TTLL5: variants seen among roughly 807,000 people sequenced by gnomAD.
The protein encoded by TTLL5 is tubulin polyglutamylase TTLL5.
A neutral mutation model predicts 168.4 loss-of-function variants in TTLL5; 132 were observed. That is an observed-to-expected ratio of 0.78 (90% CI 0.68 to 0.91). The LOEUF is 0.91. TTLL5 is among the 40% of genes least tolerant of loss of function. TTLL5 has a pLI of 0.00. For missense variants in TTLL5, 1,545 were observed against 1,581.5 expected, an observed-to-expected ratio of 0.98 and a Z score of 0.39; for synonymous variants, 546 against 558.6, an observed-to-expected ratio of 0.98 and a Z score of 0.32.
chr14:75,747,324 C>T (rs1430832827), intron 17 of TTLL5, among the ~76,000 whole-genome samples: 3 of 151,946 alleles, frequency 2.0e-5, no homozygotes, highest in African/African-American at 7.2e-5. Flanking sequence ...TTTTTGTTTA[C>T]ATGTTATAAT....
At chr14:75,864,905 GTC>G (rs1595170901) in intron 29 of TTLL5, among the ~76,000 whole-genome samples, 1 of 151,994 alleles carries the variant, frequency 6.6e-6, no homozygotes, top group East Asian at 1.9e-4. Context: ...TATTATTATA[GTC>G]TGTCTTATCT....
chr14:75,933,380 T>C (rs949335591), intron 31 of TTLL5, among the ~76,000 whole-genome samples: 2 of 152,198 alleles, frequency 1.3e-5, no homozygotes, highest in Non-Finnish European at 2.9e-5. Flanking sequence ...GGAGGATTGC[T>C]TGAACCCTGG....
intron 31 of TTLL5, among the ~76,000 whole-genome samples, chr14:75,954,028 C>A (rs1423303939): frequency 6.6e-6 from 1 of 152,020 alleles, no homozygotes; most frequent in African/African-American, 2.4e-5. Context: ...GTGGGCAGAT[C>A]ACGAGGTCAG....
chr14:75,745,670 A>T, intron 17 of TTLL5, 89 bp downstream of exon 17: 1 of 994,000 alleles, frequency 1.0e-6, no homozygotes, highest in Non-Finnish European at 1.5e-6. Flanking sequence ...GCTCCCCCCG[A>T]TGATGCTTTT....
At chr14:75,771,682 T>G in intron 20 of TTLL5, 52 bp from the exon 21 acceptor site, 1 of 1,608,442 alleles carries the variant, frequency 6.2e-7, no homozygotes, top group Non-Finnish European at 8.5e-7. Context: ...GTACACATTT[T>G]GTAGTTTTAC....
intron 18 of TTLL5, among the ~76,000 whole-genome samples, chr14:75,758,676 A>G (rs561430589): frequency 6.6e-6 from 1 of 152,180 alleles, no homozygotes; most frequent in Non-Finnish European, 1.5e-5. Context: ...GTCCTAATAT[A>G]TTTAAAAGGA....
intron 31 of TTLL5, among the ~76,000 whole-genome samples, chr14:75,931,498 T>C (rs539209935): frequency 1.3e-5 from 2 of 152,324 alleles, no homozygotes; most frequent in South Asian, 2.1e-4. Flanking sequence ...CATAACACTT[T>C]CTGTTTGAAT....
intron 31 of TTLL5, among the ~76,000 whole-genome samples, chr14:75,919,833 A>G (rs1012476815): frequency 6.6e-6 from 1 of 152,094 alleles, no homozygotes; most frequent in Non-Finnish European, 1.5e-5. Flanking sequence ...AGAAATGTGA[A>G]GGACAAACCG....
rs1283539903 is a variant in TTLL5, at chr14:75,719,518, G to A, written c.843-217G>A. Among the ~76,000 whole-genome samples, 4 of 151,866 alleles carry A rather than the reference G, an allele frequency of 2.6e-5. No individual in the cohort carries two copies. The South Asian group carries it at 6.2e-4, about 24-fold the overall frequency. Reference sequence around the variant, plus strand: ...TTGCCGCCTTCTTCCCCACCCTCTTGAAAAAGGCAAACTGTATGCATTTTC... The same window carrying A: ...TTGCCGCCTTCTTCCCCACCCTCTTAAAAAAGGCAAACTGTATGCATTTTC... On this transcript the variant is annotated intron_variant, in intron 10 of 31. Transcript: ENST00000298832.
chr14:75,881,776 T>C (rs2031824699), intron 29 of TTLL5, among the ~76,000 whole-genome samples: 1 of 152,230 alleles, frequency 6.6e-6, no homozygotes, highest in South Asian at 2.1e-4. Flanking sequence ...GTTTTTACAA[T>C]GCATGTTGAA....
At chr14:75,768,945 A>G (rs1205302239) in intron 20 of TTLL5, among the ~76,000 whole-genome samples, 1 of 152,194 alleles carries the variant, frequency 6.6e-6, no homozygotes, top group East Asian at 1.9e-4. Context: ...TAGACAAGTC[A>G]AAGAGCTTCT....
At chr14:75,817,732 A>G (rs1266381870) in intron 27 of TTLL5, among the ~76,000 whole-genome samples, 2 of 151,278 alleles carry the variant, frequency 1.3e-5, no homozygotes, top group African/African-American at 2.4e-5. Flanking sequence ...CATGCTTAAA[A>G]TCCTGCATTC....
chr14:75,858,014 T>C (rs1897222234), intron 28 of TTLL5, among the ~76,000 whole-genome samples: 2 of 152,164 alleles, frequency 1.3e-5, no homozygotes, highest in South Asian at 4.1e-4. Flanking sequence ...ATATTAAGGT[T>C]TTTAAAAAGG....
At chr14:75,873,104 C>T (rs181866707) in intron 29 of TTLL5, among the ~76,000 whole-genome samples, 3 of 146,148 alleles carry the variant, frequency 2.1e-5, no homozygotes, top group Non-Finnish European at 4.5e-5. Context: ...GACGGAGTCT[C>T]GCTCTGTCCC....
chr14:75,810,893 C>T (rs1335824124), intron 27 of TTLL5, among the ~76,000 whole-genome samples: 1 of 152,080 alleles, frequency 6.6e-6, no homozygotes, highest in Non-Finnish European at 1.5e-5. Context: ...AGCAAAAATC[C>T]TCTCTAAAAT....
At chr14:75,869,013 A>AGTGTGTGTGTGTGTGTGTGTGT (rs3138589) in intron 29 of TTLL5, among the ~76,000 whole-genome samples, 33 of 124,514 alleles carry the variant, frequency 2.7e-4, no homozygotes, top group Middle Eastern at 3.9e-3. Flanking sequence ...AGAGGGGAGG[A>AGTGTGTGTGTGTGTGTGTGTGT]GTGTGTGTGT....
intron 15 of TTLL5, among the ~76,000 whole-genome samples, chr14:75,742,693 G>C (rs1199894430): frequency 6.6e-6 from 1 of 152,156 alleles, no homozygotes; most frequent in Non-Finnish European, 1.5e-5. Context: ...ACCACACCAG[G>C]CTTTGCCAGT....
chr14:75,829,827 T>C lies in TTLL5; in HGVS notation c.3326+9666T>C, dbSNP rs145439999. ...GTGGGAGCCAGTCTGGCTCAGACAG[T>C]GTGTCAGAAATAATGTATTAGTCAA... On this transcript the variant is annotated intron_variant, in intron 28 of 31. Coordinates refer to ENST00000298832, the MANE Select transcript of TTLL5 (RefSeq NM_015072.5). 5.1e-4 allele frequency among the ~76,000 whole-genome samples: 77 copies of C among 152,348 alleles called. 1 individual carries two copies. Among genetic ancestry groups the C allele is most frequent in the Admixed American group, 2.9e-3 (44 of 15,302 alleles).
intron 12 of TTLL5, among the ~76,000 whole-genome samples, chr14:75,721,600 A>G (rs1033042844): frequency 1.3e-5 from 2 of 152,142 alleles, no homozygotes; most frequent in African/African-American, 2.4e-5. Context: ...ATGTATATCC[A>G]TATCTAGTTT....
Sources: gnomAD v4.1 joint callset for allele counts (sites outside exome capture counted in the v4.1 genomes callset) on GRCh38, gnomAD v4.1.1 for gene constraint, MANE v1.5 for transcripts, NCBI Gene and HGNC (gene_info 2026-07-23, HGNC 2026-07-21) for gene names.